The following ARL6IP6 variants were observed in gnomAD, a reference collection of about 807,000 sequenced individuals.
ARL6IP6 encodes ARF like GTPase 6 interacting protein 6.
A neutral mutation model predicts 21.5 loss-of-function variants in ARL6IP6; 22 were observed. The ratio of observed to expected loss-of-function variants is 1.02; its 90% CI spans 0.73 to 1.46. The LOEUF (loss-of-function observed/expected upper bound fraction) is 1.46. Ranked by LOEUF, ARL6IP6 falls within the 40% of genes most tolerant of loss-of-function variation. ARL6IP6 has a pLI of 0.00. For missense variants in ARL6IP6, 388 were observed against 299.8 expected (o/e 1.29, Z -2.17); for synonymous variants, 164 against 125.3 (o/e 1.31, Z -2.06).
intron 3 of ARL6IP6, among the ~76,000 whole-genome samples, chr2:152,758,903 C>T (rs1294769975): frequency 3.3e-5 from 5 of 152,116 alleles, no homozygotes; most frequent in African/African-American, 1.2e-4. Flanking sequence ...TGTCTTTTGG[C>T]TTTTACTTCT....
chr2:152,733,854 A>C (rs1459461212), intron 2 of ARL6IP6, among the ~76,000 whole-genome samples: 1 of 152,216 alleles, frequency 6.6e-6, no homozygotes, highest in East Asian at 1.9e-4. Flanking sequence ...TACTTCATGA[A>C]GACAGCAATC....
chr2:152,751,200 CTTTTT>C (rs58660367), intron 3 of ARL6IP6, among the ~76,000 whole-genome samples: 4 of 151,378 alleles, frequency 2.6e-5, no homozygotes, highest in Non-Finnish European at 4.4e-5. Context: ...CCACGTTTGA[CTTTTT>C]TTTTATTTTT....
chr2:152,754,233 A>G (rs115603871), intron 3 of ARL6IP6, among the ~76,000 whole-genome samples: 1,562 of 152,078 alleles, frequency 0.01, 15 homozygotes, highest in African/African-American at 0.027. Flanking sequence ...TCCTGCCTCT[A>G]TCCCCTGGAA....
intron 3 of ARL6IP6, among the ~76,000 whole-genome samples, chr2:152,738,697 T>G (rs974671265): frequency 6.6e-6 from 1 of 152,110 alleles, no homozygotes; most frequent in Non-Finnish European, 1.5e-5. Context: ...GCAAGGCCCA[T>G]GAAACCATTT....
At chr2:152,717,655 G>C, upstream of ARL6IP6, 1 of 1,423,896 alleles carries the variant, frequency 7.0e-7, no homozygotes, top group Non-Finnish European at 9.2e-7. Context: ...GAGGAGGACG[G>C]AGGAAGTTTC....
chr2:152,720,516 C>A lies in ARL6IP6; in HGVS notation c.401-17C>A. 1 of 1,611,586 alleles carries A rather than the reference C, an allele frequency of 6.2e-7. No individual in the cohort carries two copies. The highest frequency in any genetic ancestry group is 8.5e-7 in the Non-Finnish European group (1 of 1,177,786). ...ATAGTATTGCTTTCCTACCTAAGTC[C>A]CTCTTTGTATTTGCAGAGTTGCATG... On this transcript the variant is annotated splice_polypyrimidine_tract_variant and intron_variant, in intron 1 of 3. Coordinates refer to ENST00000326446, the MANE Select transcript of ARL6IP6 (RefSeq NM_152522.7).
chr2:152,759,384 C>T (rs745320890), intron 3 of ARL6IP6, among the ~76,000 whole-genome samples: 1 of 152,026 alleles, frequency 6.6e-6, no homozygotes, highest in Admixed American at 6.6e-5. Flanking sequence ...GGAAACACAC[C>T]GCTAATTAAT....
chr2:152,727,720 C>T (rs766136618), intron 2 of ARL6IP6, among the ~76,000 whole-genome samples: 1 of 151,566 alleles, frequency 6.6e-6, no homozygotes, highest in Non-Finnish European at 1.5e-5. Flanking sequence ...AGTAACATGC[C>T]GCACAGGTCT....
At chr2:152,729,908 A>G (rs532962975) in intron 2 of ARL6IP6, among the ~76,000 whole-genome samples, 2 of 152,162 alleles carry the variant, frequency 1.3e-5, no homozygotes, top group South Asian at 4.1e-4. Context: ...CTAAGGGCTT[A>G]TAAAACATCA....
At chr2:152,758,393 T>C (rs1177603870) in intron 3 of ARL6IP6, among the ~76,000 whole-genome samples, 1 of 152,170 alleles carries the variant, frequency 6.6e-6, no homozygotes, top group Non-Finnish European at 1.5e-5. Flanking sequence ...TTTAAAAGTT[T>C]TTTGGATCGT....
chr2:152,732,625 AT>A (rs550146365), intron 2 of ARL6IP6: 1 of 428,296 alleles, frequency 2.3e-6, no homozygotes, highest in South Asian at 1.8e-5. Flanking sequence ...TTGACATTTT[AT>A]TTTGCTATGC....
intron 3 of ARL6IP6, 55 bp from the exon 4 acceptor site, chr2:152,759,692 T>G (rs1426416362): frequency 1.4e-6 from 2 of 1,446,170 alleles, no homozygotes; most frequent in Non-Finnish European, 9.7e-7. Flanking sequence ...TTTGGTGTCT[T>G]TGTTATACCA....
At chr2:152,750,280 C>A (rs1701264111) in intron 3 of ARL6IP6, among the ~76,000 whole-genome samples, 2 of 152,082 alleles carry the variant, frequency 1.3e-5, no homozygotes, top group Middle Eastern at 3.4e-3. Context: ...TCCAGACCAG[C>A]CTGGCCAACA....
intron 2 of ARL6IP6, among the ~76,000 whole-genome samples, chr2:152,723,168 CCT>C (rs1340875158): frequency 6.6e-6 from 1 of 152,086 alleles, no homozygotes; most frequent in African/African-American, 2.4e-5. Context: ...TTAGTTTACC[CCT>C]GAGGAGATGC....
chr2:152,719,068 A>C, intron 1 of ARL6IP6, 44 bp downstream of exon 1: 1 of 1,469,208 alleles, frequency 6.8e-7, no homozygotes, highest in East Asian at 2.5e-5. Context: ...AGTAAAGTTG[A>C]GCCAGGGTGT....
intron 3 of ARL6IP6, among the ~76,000 whole-genome samples, chr2:152,740,188 C>T (rs537008075): frequency 4.1e-4 from 62 of 152,280 alleles, no homozygotes; most frequent in Non-Finnish European, 7.5e-4. Flanking sequence ...GTGCAACCTC[C>T]ACCTCCCAGG....
rs539898525 is a variant in ARL6IP6, at chr2:152,761,115, C to T, written c.*1275C>T. ...AGGCTAAGTGGGAAATGAATTTGTGCAGTGTGTTCCCTTAATTATCTACTG... is the reference window on the plus strand; with the variant it reads ...AGGCTAAGTGGGAAATGAATTTGTGTAGTGTGTTCCCTTAATTATCTACTG... On this transcript the variant is annotated 3_prime_UTR_variant, in exon 4 of 4. Coordinates refer to ENST00000326446, the MANE Select transcript of ARL6IP6 (RefSeq NM_152522.7). 156 of 152,270 alleles carry T rather than the reference C, an allele frequency of 1.0e-3. 1 individual carries two copies. The highest frequency in any genetic ancestry group is 3.7e-3 in the African/African-American group (152 of 41,556). 9.4% of individuals were successfully genotyped at this position (152,270 alleles called of 1,614,324 possible).
intron 2 of ARL6IP6, among the ~76,000 whole-genome samples, chr2:152,726,783 A>T (rs922895234): frequency 2.0e-5 from 3 of 152,204 alleles, no homozygotes; most frequent in African/African-American, 7.2e-5. Context: ...AGTGGAGCTG[A>T]AAAATTCCTA....
intron 2 of ARL6IP6, among the ~76,000 whole-genome samples, chr2:152,723,509 G>A (rs1177896695): frequency 6.6e-6 from 1 of 152,048 alleles, no homozygotes; most frequent in Non-Finnish European, 1.5e-5. Context: ...CTCATTCTTT[G>A]TTTGAAAGTA....
Sources: gnomAD v4.1 joint callset for allele counts (sites outside exome capture counted in the v4.1 genomes callset) on GRCh38, gnomAD v4.1.1 for gene constraint, MANE v1.5 for transcripts, NCBI Gene and HGNC (gene_info 2026-07-23, HGNC 2026-07-21) for gene names.